The following RNF152 variants were observed in gnomAD, a reference collection of about 807,000 sequenced individuals.
RNF152 encodes the protein E3 ubiquitin-protein ligase RNF152.
RNF152 carries 11 observed loss-of-function variants against 12.7 expected under a neutral mutation model. The observed-to-expected ratio is 0.86, with a 90% CI of 0.54 to 1.43. The LOEUF (loss-of-function observed/expected upper bound fraction) is 1.43. Among genes scored for constraint, RNF152 ranks in the 40% most tolerant of loss-of-function variants. The pLI is 0.00. For synonymous variants in RNF152, 113 were observed against 120.3 expected (o/e 0.94, Z 0.40); for missense variants, 255 against 274.8 (o/e 0.93, Z 0.51).
chr18:61,859,148 C>T (rs1336413213), intron 1 of RNF152, among the ~76,000 whole-genome samples: 1 of 152,160 alleles, frequency 6.6e-6, no homozygotes, highest in Non-Finnish European at 1.5e-5. Context: ...TGTTCCACCT[C>T]GCAGACTGGG....
At chr18:61,844,508 G>C (rs1910661269) in intron 1 of RNF152, among the ~76,000 whole-genome samples, 1 of 152,192 alleles carries the variant, frequency 6.6e-6, no homozygotes, top group Non-Finnish European at 1.5e-5. Flanking sequence ...AGCCACACTG[G>C]CTCTGGTGGG....
intron 1 of RNF152, among the ~76,000 whole-genome samples, chr18:61,835,372 C>A (rs1251245176): frequency 1.3e-5 from 2 of 152,000 alleles, no homozygotes; most frequent in Non-Finnish European, 2.9e-5. Context: ...GGAATAGGAG[C>A]CAGGTTATAT....
chr18:61,881,063 G>C (rs1021908915), intron 1 of RNF152, among the ~76,000 whole-genome samples: 1 of 151,920 alleles, frequency 6.6e-6, no homozygotes, highest in Non-Finnish European at 1.5e-5. Flanking sequence ...ACAGGCGCAT[G>C]CCACCACGCC....
intron 1 of RNF152, among the ~76,000 whole-genome samples, chr18:61,835,669 T>A (rs1450429686): frequency 6.6e-6 from 1 of 152,018 alleles, no homozygotes; most frequent in Admixed American, 6.5e-5. Context: ...ACAAGTAAAC[T>A]GGATTCAATT....
At chr18:61,837,536 A>G (rs1910242740) in intron 1 of RNF152, among the ~76,000 whole-genome samples, 1 of 152,152 alleles carries the variant, frequency 6.6e-6, no homozygotes, top group Non-Finnish European at 1.5e-5. Flanking sequence ...GTCTCTCCAC[A>G]TTTCTGTGTA....
At chr18:61,821,853 A>C (rs778265045) in intron 1 of RNF152, among the ~76,000 whole-genome samples, 3 of 152,196 alleles carry the variant, frequency 2.0e-5, no homozygotes, top group Non-Finnish European at 4.4e-5. Context: ...TGAGGATCTA[A>C]CTAATGCCTG....
At chr18:61,890,517 C>T (rs999679785) in intron 1 of RNF152, 1 of 152,232 alleles carries the variant, frequency 6.6e-6, no homozygotes, top group African/African-American at 2.4e-5. Context: ...GCCAACCACA[C>T]TGGATGCAGC....
intron 1 of RNF152, among the ~76,000 whole-genome samples, chr18:61,835,856 A>G (rs959653384): frequency 2.2e-4 from 33 of 152,322 alleles, no homozygotes; most frequent in Non-Finnish European, 2.4e-4. Context: ...GTTTGTATAG[A>G]CCATATGCTA....
intron 1 of RNF152, among the ~76,000 whole-genome samples, chr18:61,864,565 A>G (rs1170929373): frequency 6.6e-6 from 1 of 152,022 alleles, no homozygotes; most frequent in African/African-American, 2.4e-5. Flanking sequence ...GACATGGTCG[A>G]TTAAATCATT....
At chr18:61,864,582 TG>T (rs1911644520) in intron 1 of RNF152, among the ~76,000 whole-genome samples, 1 of 152,038 alleles carries the variant, frequency 6.6e-6, no homozygotes. Flanking sequence ...CATTGCCCAC[TG>T]GGGACTAACT....
chr18:61,837,460 T>C (rs768368105), intron 1 of RNF152, among the ~76,000 whole-genome samples: 7 of 152,248 alleles, frequency 4.6e-5, no homozygotes, highest in East Asian at 1.9e-4. Context: ...ACTGGAAGTA[T>C]TCCAGGGTAA....
chr18:61,833,876 T>C (rs1204695885), intron 1 of RNF152, among the ~76,000 whole-genome samples: 1 of 127,828 alleles, frequency 7.8e-6, no homozygotes, highest in Admixed American at 7.9e-5. Context: ...TGGTTGCCAT[T>C]TGAGCTTTAA....
intron 1 of RNF152, among the ~76,000 whole-genome samples, chr18:61,877,824 A>G (rs950750405): frequency 6.6e-6 from 1 of 152,218 alleles, no homozygotes; most frequent in Non-Finnish European, 1.5e-5. Context: ...TGCTTCAGCA[A>G]AGTCTCTTCA....
At chr18:61,879,672 A>AT (rs992420179) in intron 1 of RNF152, among the ~76,000 whole-genome samples, 1 of 152,080 alleles carries the variant, frequency 6.6e-6, no homozygotes, top group African/African-American at 2.4e-5. Context: ...TTGTAAAAAC[A>AT]TTTTTTTGAG....
chr18:61,831,021 A>G (rs1254081866), intron 1 of RNF152, among the ~76,000 whole-genome samples: 1 of 152,256 alleles, frequency 6.6e-6, no homozygotes, highest in East Asian at 1.9e-4. Flanking sequence ...CTATTATTAG[A>G]CAATAAAGAA....
intron 1 of RNF152, among the ~76,000 whole-genome samples, chr18:61,832,315 C>T (rs773358286): frequency 9.9e-5 from 15 of 152,070 alleles, no homozygotes; most frequent in Non-Finnish European, 1.2e-4. Context: ...TTGTTTTAAG[C>T]GCACATGTAT....
At chr18:61,823,371 C>G (rs1909507968) in intron 1 of RNF152, among the ~76,000 whole-genome samples, 1 of 152,354 alleles carries the variant, frequency 6.6e-6, no homozygotes, top group East Asian at 1.9e-4. Flanking sequence ...TCTTGGCTCA[C>G]CGCAACCTCC....
chr18:61,851,844 T>C (rs913008130), intron 1 of RNF152, among the ~76,000 whole-genome samples: 2 of 152,206 alleles, frequency 1.3e-5, no homozygotes, highest in Non-Finnish European at 2.9e-5. Context: ...TATACAGCAG[T>C]ACATGAATAT....
chr18:61,812,612 C>G lies in RNF152; in HGVS notation c.*3240G>C, dbSNP rs2144601522. ...ACTTAACATATTAAGCATTCTCTTC[C>G]TTATTTCAAGATCATTAATAAAGAT... On this transcript the variant is annotated 3_prime_UTR_variant, in exon 2 of 2. Coordinates refer to ENST00000312828, the MANE Select transcript of RNF152 (RefSeq NM_173557.3). 1 of 152,222 alleles carries G rather than the reference C, an allele frequency of 6.6e-6. No individual in the cohort carries two copies. Among genetic ancestry groups the G allele is most frequent in the South Asian group, 2.1e-4 (1 of 4,822 alleles). The allele number at this position is 152,222 out of a possible 1,614,324, so 9.4% of individuals were successfully genotyped here.
Sources: allele counts gnomAD v4.1 joint callset (sites outside exome capture counted in the v4.1 genomes callset), GRCh38; gene constraint gnomAD v4.1.1; transcripts MANE v1.5; gene names NCBI Gene and HGNC (gene_info 2026-07-23, HGNC 2026-07-21).